The following DYNC1I1 variants were observed in gnomAD, a reference collection of about 807,000 sequenced individuals.
DYNC1I1 encodes cytoplasmic dynein 1 intermediate chain 1.
A neutral mutation model predicts 86.6 loss-of-function variants in DYNC1I1; 43 were observed. That is an observed-to-expected ratio of 0.50 (90% CI 0.39 to 0.64). DYNC1I1 has a LOEUF of 0.64. DYNC1I1 is among the 30% of genes least tolerant of loss of function. The pLI is 0.00. For synonymous variants in DYNC1I1, 262 were observed against 283.7 expected, an observed-to-expected ratio of 0.92 and a Z score of 0.77; for missense variants, 604 against 788.8, an observed-to-expected ratio of 0.77 and a Z score of 2.81.
At chr7:95,882,026 T>C (rs534237687) in intron 6 of DYNC1I1, among the ~76,000 whole-genome samples, 2 of 152,332 alleles carry the variant, frequency 1.3e-5, no homozygotes, top group East Asian at 3.9e-4. Flanking sequence ...ATGTATTTTT[T>C]TTATCTTCAG....
At chr7:95,913,247 A>G (rs1391358334) in intron 6 of DYNC1I1, among the ~76,000 whole-genome samples, 2 of 152,198 alleles carry the variant, frequency 1.3e-5, no homozygotes, top group Admixed American at 1.3e-4. Context: ...TTGAAATTTC[A>G]TAAACTGATC....
intron 6 of DYNC1I1, among the ~76,000 whole-genome samples, chr7:95,914,140 T>C (rs1791409543): frequency 6.6e-6 from 1 of 152,220 alleles, no homozygotes; most frequent in African/African-American, 2.4e-5. Flanking sequence ...CTGTTACTCC[T>C]GGAAAAACAA....
chr7:95,804,885 T>C (rs183083963), intron 2 of DYNC1I1, 48 bp downstream of exon 2: 3 of 1,532,460 alleles, frequency 2.0e-6, no homozygotes, highest in Middle Eastern at 1.7e-4. Context: ...GAAAATCACT[T>C]GATTCTGAGG....
At chr7:95,952,226 A>G (rs1792580468) in intron 6 of DYNC1I1, among the ~76,000 whole-genome samples, 1 of 151,586 alleles carries the variant, frequency 6.6e-6, no homozygotes, top group Non-Finnish European at 1.5e-5. Context: ...GCCCCAGATT[A>G]CCCATTCATC....
chr7:95,934,038 A>G (rs1485643576), intron 6 of DYNC1I1, among the ~76,000 whole-genome samples: 2 of 152,236 alleles, frequency 1.3e-5, no homozygotes, highest in East Asian at 3.9e-4. Flanking sequence ...AATTGTATTT[A>G]TGTAAGTGCT....
At chr7:95,959,873 TC>T (rs2116504991) in intron 6 of DYNC1I1, among the ~76,000 whole-genome samples, 1 of 152,260 alleles carries the variant, frequency 6.6e-6, no homozygotes, top group South Asian at 2.1e-4. Context: ...GTTAGCAGCA[TC>T]CCCGAGCCCA....
chr7:95,808,157 G>A (rs1473346605), intron 2 of DYNC1I1, among the ~76,000 whole-genome samples: 5 of 152,060 alleles, frequency 3.3e-5, no homozygotes, highest in African/African-American at 7.2e-5. Context: ...ACTGACTCCC[G>A]AGTTTAAGAT....
At chr7:96,056,405 C>G (rs1390577496) in intron 14 of DYNC1I1, among the ~76,000 whole-genome samples, 1 of 152,102 alleles carries the variant, frequency 6.6e-6, no homozygotes, top group Non-Finnish European at 1.5e-5. Context: ...TGACCTCCTC[C>G]AGCTCCACTC....
intron 6 of DYNC1I1, among the ~76,000 whole-genome samples, chr7:95,938,465 C>A (rs575833245): frequency 6.6e-6 from 1 of 152,230 alleles, no homozygotes; most frequent in Admixed American, 6.5e-5. Flanking sequence ...AGGGAAAATG[C>A]AGGATAATCA....
At chr7:95,813,391 A>AAAACAGC in intron 4 of DYNC1I1, 54 bp downstream of exon 4, 2 of 1,562,976 alleles carry the variant, frequency 1.3e-6, no homozygotes, top group Non-Finnish European at 1.7e-6. Context: ...AAAAAAAAAA[A>AAAACAGC]AACAGCAACA....
Position 95,996,009 on chromosome 7 carries a change from G to T in DYNC1I1, c.905G>T (p.Gly302Val). ...NNEDAPHEPD[G>V]VALVWNMKFK... ...GAAGATGCTCCCCATGAACCAGATG[G>T]AGTGGCCTTGGTTTGGAACATGAAG... The change falls in exon 10 of 17, where the codon GGA (glycine) becomes GTA (valine). Residue 302 changes from glycine to valine, a missense_variant. Coordinates refer to ENST00000447467, the MANE Select transcript of DYNC1I1 (RefSeq NM_001135556.2). The T allele has an allele frequency of 6.2e-7, 1 of 1,613,704 alleles. No individual in the cohort carries two copies. The highest frequency in any genetic ancestry group is 1.3e-5 in the African/African-American group (1 of 75,008).
chr7:95,789,212 G>A (rs1054973253), intron 1 of DYNC1I1, among the ~76,000 whole-genome samples: 6 of 152,184 alleles, frequency 3.9e-5, no homozygotes, highest in African/African-American at 1.2e-4. Flanking sequence ...GCCAGGGTAG[G>A]GAATTTGCAG....
At position 95,810,518 on chromosome 7, in the gene DYNC1I1, T is replaced by G. The variant is rs1794805742; in HGVS notation, c.223+12T>G. The G allele has an allele frequency of 1.2e-6, 2 of 1,606,416 alleles. No individual in the cohort carries two copies. ...GGAGCCGCCTCTAGGTACTTAAAAG[T>G]GCTTCCTGTTACTATTCCTCAAAAT... On this transcript the variant is annotated intron_variant, in intron 3 of 16. Coordinates refer to ENST00000447467, the MANE Select transcript of DYNC1I1 (RefSeq NM_001135556.2).
chr7:95,996,023 T>TGGAAC lies in DYNC1I1; in HGVS notation c.920_924dup (p.Met309GlyfsTer3). On this transcript the variant is annotated frameshift_variant, in exon 10 of 17. Coordinates refer to ENST00000447467, the MANE Select transcript of DYNC1I1 (RefSeq NM_001135556.2). LOFTEE classifies it high-confidence loss of function. ...TGAACCAGATGGAGTGGCCTTGGTT[T>TGGAAC]GGAACATGAAGTTTAAGAAAACCAC... The TGGAAC allele has an allele frequency of 6.2e-7, 1 of 1,613,948 alleles. No individual in the cohort carries two copies. The highest frequency in any genetic ancestry group is 8.5e-7 in the Non-Finnish European group (1 of 1,179,914).
chr7:95,903,834 CTGTT>C (rs1311884951), intron 6 of DYNC1I1, among the ~76,000 whole-genome samples: 1 of 152,096 alleles, frequency 6.6e-6, no homozygotes, highest in Non-Finnish European at 1.5e-5. Flanking sequence ...ATTTGAATCT[CTGTT>C]TGACTCCAAA....
intron 6 of DYNC1I1, among the ~76,000 whole-genome samples, chr7:95,876,808 A>G (rs534761766): frequency 6.6e-6 from 1 of 152,298 alleles, no homozygotes; most frequent in African/African-American, 2.4e-5. Flanking sequence ...AGTAGACACA[A>G]GAGATAGAGC....
intron 6 of DYNC1I1, among the ~76,000 whole-genome samples, chr7:95,930,332 G>C (rs1299616263): frequency 6.6e-6 from 1 of 152,186 alleles, no homozygotes; most frequent in Non-Finnish European, 1.5e-5. Flanking sequence ...TGTTGCTGGT[G>C]TCTTAATTTC....
chr7:95,897,821 G>A (rs573916746), intron 6 of DYNC1I1, among the ~76,000 whole-genome samples: 45 of 151,958 alleles, frequency 3.0e-4, no homozygotes, highest in African/African-American at 9.4e-4. Context: ...CAATTAGGGA[G>A]TGATGTCAGC....
chr7:95,801,429 T>C (rs1252672478), intron 1 of DYNC1I1, among the ~76,000 whole-genome samples: 2 of 152,190 alleles, frequency 1.3e-5, no homozygotes, highest in Non-Finnish European at 2.9e-5. Flanking sequence ...AAGAAAATCA[T>C]AACAAATACA....
Sources: gnomAD v4.1 joint callset for allele counts (sites outside exome capture counted in the v4.1 genomes callset) on GRCh38, gnomAD v4.1.1 for gene constraint, MANE v1.5 for transcripts, NCBI Gene and HGNC (gene_info 2026-07-23, HGNC 2026-07-21) for gene names.